GRID2: variants seen among roughly 807,000 people sequenced by gnomAD.
The protein encoded by GRID2 is glutamate receptor ionotropic, delta-2.
In GRID2, 33 loss-of-function variants were observed where a neutral mutation model predicts 114.8. The ratio of observed to expected loss-of-function variants is 0.29; its 90% CI spans 0.22 to 0.38. The LOEUF is 0.38. GRID2 is among the 10% of genes least tolerant of loss of function. The pLI is 1.00. For missense variants in GRID2, 1,184 were observed against 1,257.7 expected, an observed-to-expected ratio of 0.94 and a Z score of 0.89; for synonymous variants, 505 against 449.9, an observed-to-expected ratio of 1.12 and a Z score of -1.55.
At chr4:92,465,535 A>G (rs528169733) in intron 1 of GRID2, among the ~76,000 whole-genome samples, 1 of 152,262 alleles carries the variant, frequency 6.6e-6, no homozygotes, top group East Asian at 1.9e-4. Context: ...ATAAAAAACT[A>G]GTAGAATTGT....
chr4:92,354,018 A>G (rs975548660), intron 1 of GRID2, among the ~76,000 whole-genome samples: 4 of 152,002 alleles, frequency 2.6e-5, no homozygotes, highest in Admixed American at 6.6e-5. Flanking sequence ...TTCCAATGTG[A>G]GTTCCGATTT....
intron 8 of GRID2, among the ~76,000 whole-genome samples, chr4:93,332,826 C>T (rs1352033067): frequency 1.3e-5 from 2 of 152,058 alleles, no homozygotes; most frequent in Non-Finnish European, 2.9e-5. Context: ...TAATGAGACG[C>T]CTTTCTTTAT....
At chr4:92,429,810 T>G (rs1227546013) in intron 1 of GRID2, among the ~76,000 whole-genome samples, 1 of 152,182 alleles carries the variant, frequency 6.6e-6, no homozygotes. Flanking sequence ...TGGAGGGAGA[T>G]GATAGATCAT....
At chr4:93,287,023 A>G (rs1753248178) in intron 8 of GRID2, among the ~76,000 whole-genome samples, 1 of 152,100 alleles carries the variant, frequency 6.6e-6, no homozygotes, top group African/African-American at 2.4e-5. Context: ...AAGAAAAAAT[A>G]TATATGATAC....
Position 93,773,947 on chromosome 4 carries a change from CTTTG to C in GRID2, c.*1455_*1458del, listed in dbSNP as rs1368745491. 3 of 152,030 alleles carry C rather than the reference CTTTG, an allele frequency of 2.0e-5. No individual in the cohort carries two copies. Among genetic ancestry groups the C allele is most frequent in the South Asian group, 2.1e-4 (1 of 4,826 alleles). 9.4% of individuals were successfully genotyped at this position (152,030 alleles called of 1,614,324 possible). A position where few individuals can be genotyped will look rare whatever the true frequency, so the allele number is the denominator to read the frequency against. ...TTACTTGTTAGAAATGTAGAATGAA[CTTTG>C]TTTGTAATCCTTAAATTAAAATGTG... On this transcript the variant is annotated 3_prime_UTR_variant, in exon 16 of 16. Transcript: ENST00000282020.
At chr4:93,315,911 C>T (rs938552288) in intron 8 of GRID2, among the ~76,000 whole-genome samples, 4 of 151,954 alleles carry the variant, frequency 2.6e-5, no homozygotes, top group Admixed American at 2.6e-4. Context: ...ATTGACATAC[C>T]CACTAGTAAC....
chr4:93,410,876 C>T (rs573128033), intron 9 of GRID2, among the ~76,000 whole-genome samples: 1 of 152,196 alleles, frequency 6.6e-6, no homozygotes, highest in African/African-American at 2.4e-5. Context: ...AGCCACAGTG[C>T]CCGGCCTCTC....
intron 8 of GRID2, among the ~76,000 whole-genome samples, chr4:93,356,154 A>T (rs1761314806): frequency 6.6e-6 from 1 of 152,016 alleles, no homozygotes; most frequent in African/African-American, 2.4e-5. Flanking sequence ...TCTTTCACTA[A>T]CTCACCACAT....
intron 2 of GRID2, among the ~76,000 whole-genome samples, chr4:92,862,354 T>C (rs1447978885): frequency 1.3e-5 from 2 of 152,130 alleles, no homozygotes; most frequent in Non-Finnish European, 2.9e-5. Context: ...GTGAAAATTC[T>C]AATTTCATGA....
intron 2 of GRID2, among the ~76,000 whole-genome samples, chr4:92,945,243 A>G (rs564011254): frequency 1.3e-5 from 2 of 152,290 alleles, no homozygotes; most frequent in Non-Finnish European, 2.9e-5. Context: ...CTTGATTGAT[A>G]GTTTACTGTA....
At chr4:93,580,575 A>G (rs1255399939) in intron 13 of GRID2, among the ~76,000 whole-genome samples, 1 of 152,122 alleles carries the variant, frequency 6.6e-6, no homozygotes, top group African/African-American at 2.4e-5. Flanking sequence ...ACCAGGCATG[A>G]ATGTTTTAGG....
chr4:93,710,276 A>C (rs1047819505), intron 14 of GRID2, among the ~76,000 whole-genome samples: 1 of 152,254 alleles, frequency 6.6e-6, no homozygotes, highest in Non-Finnish European at 1.5e-5. Flanking sequence ...CAATGCAGCC[A>C]TATATACATT....
chr4:92,652,980 A>G (rs1732040007), intron 2 of GRID2, among the ~76,000 whole-genome samples: 1 of 127,500 alleles, frequency 7.8e-6, no homozygotes, highest in Non-Finnish European at 1.7e-5. Flanking sequence ...ATAAATACAT[A>G]TAAATATATA....
At chr4:93,644,157 C>G (rs999553212) in intron 14 of GRID2, among the ~76,000 whole-genome samples, 1 of 88,338 alleles carries the variant, frequency 1.1e-5, no homozygotes, top group African/African-American at 6.9e-5. Flanking sequence ...GGCAATGCCT[C>G]GCCCTGCTTC....
At chr4:92,701,167 C>T (rs536532511) in intron 2 of GRID2, among the ~76,000 whole-genome samples, 125 of 152,190 alleles carry the variant, frequency 8.2e-4, no homozygotes, top group African/African-American at 2.8e-3. Flanking sequence ...TGAAGATAAT[C>T]TCATAGGGTT....
At chr4:92,864,299 A>G (rs1744719143) in intron 2 of GRID2, among the ~76,000 whole-genome samples, 1 of 152,222 alleles carries the variant, frequency 6.6e-6, no homozygotes. Context: ...TTTGGAGGAC[A>G]GTACTGAATA....
chr4:92,858,981 T>G (rs2149432499), intron 2 of GRID2, among the ~76,000 whole-genome samples: 1 of 152,356 alleles, frequency 6.6e-6, no homozygotes, highest in East Asian at 1.9e-4. Flanking sequence ...TTGCATAAAC[T>G]GATTTGATAA....
chr4:93,583,360 A>G (rs1217541641), intron 13 of GRID2, among the ~76,000 whole-genome samples: 1 of 152,190 alleles, frequency 6.6e-6, no homozygotes, highest in Admixed American at 6.5e-5. Context: ...TAAAAAATAA[A>G]TAACAGCAAA....
chr4:93,727,394 T>A (rs1159558971), intron 14 of GRID2, among the ~76,000 whole-genome samples: 1 of 152,200 alleles, frequency 6.6e-6, no homozygotes, highest in Non-Finnish European at 1.5e-5. Context: ...TTGCCAGTAT[T>A]TTATTGAGGA....
Sources: allele counts gnomAD v4.1 joint callset (sites outside exome capture counted in the v4.1 genomes callset), GRCh38; gene constraint gnomAD v4.1.1; transcripts MANE v1.5; gene names NCBI Gene and HGNC (gene_info 2026-07-23, HGNC 2026-07-21).